RFT1: variants seen among roughly 807,000 people sequenced by gnomAD.
RFT1 encodes the protein man(5)GlcNAc(2)-PP-dolichol translocation protein RFT1.
RFT1 carries 43 observed loss-of-function variants against 62.2 expected under a neutral mutation model. The ratio of observed to expected loss-of-function variants is 0.69; its 90% CI spans 0.54 to 0.89. The LOEUF is 0.89. Ranked by LOEUF, RFT1 falls within the 40% of genes least tolerant of loss-of-function variation. RFT1 has a pLI of 0.00. For missense variants in RFT1, 605 were observed against 649.9 expected (o/e 0.93, Z 0.75); for synonymous variants, 262 against 264.6 (o/e 0.99, Z 0.10).
rs1375686290 is a variant in RFT1 at position 53,091,973 on chromosome 3, G to A, written c.1556C>T (p.Thr519Ile). Residue 519 changes from threonine (T) to isoleucine (I), a missense_variant, in exon 13 of 13, where the codon ACA becomes ATA. Thr to Ile is a moderately conservative substitution (Grantham distance 89). Transcript: ENST00000296292. ...GAGGAAATGGATCAGCTTGGTCTCT[G>A]TGAGGAATGCTGTCCCGAGAGTTGC... ...LGATLGTAFL[T>I]ETKLIHFLRT... 6.2e-7 allele frequency: 1 copy of A among 1,614,264 alleles called. No individual in the cohort carries two copies. Among genetic ancestry groups the A allele is most frequent in the East Asian group, 2.2e-5 (1 of 44,886 alleles).
the RFT1 span, among the ~76,000 whole-genome samples, chr3:53,075,812 G>C: frequency 2.6e-5 from 4 of 152,212 alleles, no homozygotes; most frequent in Non-Finnish European, 4.4e-5. Context: ...GCTCAGCCCC[G>C]AGATGGGGGA....
intron 7 of RFT1, among the ~76,000 whole-genome samples, chr3:53,109,526 C>T (rs1701587571): frequency 6.6e-6 from 1 of 152,192 alleles, no homozygotes; most frequent in African/African-American, 2.4e-5. Context: ...AAAGTGATTT[C>T]AAGCTGAGCT....
intron 7 of RFT1, among the ~76,000 whole-genome samples, chr3:53,110,657 G>A (rs540603089): frequency 4.6e-5 from 7 of 151,958 alleles, no homozygotes; most frequent in Non-Finnish European, 1.0e-4. Context: ...AATACAGATG[G>A]GGGGGAAATA....
At chr3:53,114,798 G>T (rs903065530) in intron 6 of RFT1, among the ~76,000 whole-genome samples, 2 of 152,118 alleles carry the variant, frequency 1.3e-5, no homozygotes, top group African/African-American at 4.8e-5. Context: ...TAACTCCAGG[G>T]AAGGTCTGGA....
At chr3:53,076,354 C>T in the RFT1 span, among the ~76,000 whole-genome samples, 3 of 152,064 alleles carry the variant, frequency 2.0e-5, no homozygotes, top group Admixed American at 1.3e-4. Context: ...GCAATGTCTC[C>T]AGGGAAAGCA....
the RFT1 span, among the ~76,000 whole-genome samples, chr3:53,080,938 A>G: frequency 6.6e-6 from 1 of 152,126 alleles, no homozygotes; most frequent in Non-Finnish European, 1.5e-5. Flanking sequence ...CACCACACAC[A>G]CCTGCCTTTC....
chr3:53,112,917 C>T (rs1410954646), intron 6 of RFT1, among the ~76,000 whole-genome samples: 3 of 152,116 alleles, frequency 2.0e-5, no homozygotes, highest in Non-Finnish European at 4.4e-5. Context: ...TATCCTCTGA[C>T]TCCTGTTTTT....
intron 11 of RFT1, 43 bp downstream of exon 11, chr3:53,099,338 G>A: frequency 6.8e-7 from 1 of 1,472,412 alleles, no homozygotes; most frequent in Non-Finnish European, 9.5e-7. Flanking sequence ...ATTTCATTTT[G>A]GCTGAAGGCC....
the RFT1 span, among the ~76,000 whole-genome samples, chr3:53,072,473 G>A: frequency 6.6e-6 from 1 of 152,172 alleles, no homozygotes; most frequent in Non-Finnish European, 1.5e-5. Flanking sequence ...GCGGTCAGGT[G>A]AGTTCTTCTC....
chr3:53,113,552 G>A (rs570347723), intron 6 of RFT1, among the ~76,000 whole-genome samples: 4 of 152,284 alleles, frequency 2.6e-5, no homozygotes, highest in Admixed American at 6.5e-5. Context: ...AAGCCCATCC[G>A]TGAAGAGCAA....
rs1702179583 is a variant in RFT1 at position 53,128,708 on chromosome 3, AC to A, written c.63+1629del. ...GTATTTTTTGTAAAGACAAGGTTTCACCATGTTGCCCAGGCTGGTCTTCAAC... is the reference window on the plus strand; with the variant it reads ...GTATTTTTTGTAAAGACAAGGTTTCACATGTTGCCCAGGCTGGTCTTCAAC... On this transcript the variant is annotated intron_variant, in intron 1 of 12. Coordinates refer to ENST00000296292, the MANE Select transcript of RFT1 (RefSeq NM_052859.4). Among the ~76,000 whole-genome samples the A allele has an allele frequency of 3.9e-5, 6 of 152,280 alleles. No individual in the cohort carries two copies. The South Asian group carries it at 1.2e-3, about 32-fold the overall frequency.
intron 2 of RFT1, among the ~76,000 whole-genome samples, chr3:53,125,563 T>C (rs1438884014): frequency 1.3e-5 from 2 of 152,248 alleles, no homozygotes; most frequent in African/African-American, 4.8e-5. Flanking sequence ...TTTCCTTTGC[T>C]GTCAGCAGGA....
At chr3:53,094,247 T>C (rs555371183) in intron 11 of RFT1, among the ~76,000 whole-genome samples, 1 of 152,188 alleles carries the variant, frequency 6.6e-6, no homozygotes, top group African/African-American at 2.4e-5. Context: ...GGCAAGCCAC[T>C]GCATCCCCCA....
chr3:53,129,201 T>C (rs1429172717), intron 1 of RFT1, among the ~76,000 whole-genome samples: 2 of 152,250 alleles, frequency 1.3e-5, no homozygotes, highest in African/African-American at 2.4e-5. Flanking sequence ...ATGCTTTCCA[T>C]AGGTTATCTC....
rs750381263 is a variant in RFT1 at position 53,111,909 on chromosome 3, C to G, written c.697-1G>C. 2 of 1,612,106 alleles carry G rather than the reference C, an allele frequency of 1.2e-6. No homozygotes were observed. The highest frequency in any genetic ancestry group is 8.5e-7 in the Non-Finnish European group (1 of 1,178,970). ...TAGCCTCTTTCCAGTTTATAAACGC[C>G]TAGAAGAGAAAACAAAACAAAACAA... On this transcript the variant is annotated splice_acceptor_variant, in intron 6 of 12. Transcript: ENST00000296292. LOFTEE classifies it high-confidence loss of function.
chr3:53,102,164 C>G (rs1262131894), intron 10 of RFT1, among the ~76,000 whole-genome samples: 5 of 152,160 alleles, frequency 3.3e-5, no homozygotes, highest in Non-Finnish European at 7.3e-5. Flanking sequence ...GACCGCAGTA[C>G]TGCAGCTGCA....
rs1034015528 is a variant in RFT1, at chr3:53,088,952, T to G, written c.*2951A>C. ...GAGTTCAAGACCAGCCTGGCCAATATGGTGAAACCCTGTCTCTACTAAAAA... is the reference window on the plus strand; with the variant it reads ...GAGTTCAAGACCAGCCTGGCCAATAGGGTGAAACCCTGTCTCTACTAAAAA... On this transcript the variant is annotated 3_prime_UTR_variant, in exon 13 of 13. Coordinates refer to ENST00000296292, the MANE Select transcript of RFT1 (RefSeq NM_052859.4). 2 of 151,876 alleles carry G rather than the reference T, an allele frequency of 1.3e-5. No homozygotes were observed. Among genetic ancestry groups the G allele is most frequent in the African/African-American group, 4.8e-5 (2 of 41,316 alleles). 9.4% of individuals were successfully genotyped at this position (151,876 alleles called of 1,614,324 possible). A position where few individuals can be genotyped will look rare whatever the true frequency, so the allele number is the denominator to read the frequency against.
At position 53,122,651 on chromosome 3, in the gene RFT1, T is replaced by C. The variant is rs1702003770; in HGVS notation, c.267-88A>G. 2.0e-5 allele frequency: 17 copies of C among 837,446 alleles called. No individual in the cohort carries two copies. In the South Asian group the frequency reaches 2.9e-4, roughly 14 times the overall value. The allele number at this position is 837,446 out of a possible 1,614,324, so 51.9% of individuals were successfully genotyped here. A position where few individuals can be genotyped will look rare whatever the true frequency, so the allele number is the denominator to read the frequency against. ...AGTAACACTGAACAGAAAAAAATAG[T>C]TATAATACAAACAGCTACCATTTAT... On this transcript the variant is annotated intron_variant, in intron 3 of 12. Transcript: ENST00000296292.
chr3:53,075,571 C>T, the RFT1 span, among the ~76,000 whole-genome samples: 13 of 152,314 alleles, frequency 8.5e-5, no homozygotes, highest in East Asian at 1.9e-4. Flanking sequence ...TCCTCTCCAT[C>T]GTGAGGCATG....
Sources: gnomAD v4.1 joint callset for allele counts (sites outside exome capture counted in the v4.1 genomes callset) on GRCh38, gnomAD v4.1.1 for gene constraint, MANE v1.5 for transcripts, NCBI Gene and HGNC (gene_info 2026-07-23, HGNC 2026-07-21) for gene names.